The following NXPE1 variants were observed in gnomAD, a reference collection of about 807,000 sequenced individuals.
The protein encoded by NXPE1 is neurexophilin and PC-esterase domain family member 1.
Under a neutral mutation model 33.3 loss-of-function variants are expected in NXPE1, and 31 were observed. The observed-to-expected ratio is 0.93, with a 90% CI of 0.70 to 1.26. NXPE1 has a LOEUF of 1.26. Ranked by LOEUF, NXPE1 falls within the 50% of genes most tolerant of loss-of-function variation. The probability of loss-of-function intolerance (pLI) is 0.00; values close to 1 mark genes in which losing one functional copy is unlikely to be tolerated. For missense variants in NXPE1, 661 were observed against 655.6 expected (o/e 1.01, Z -0.09); for synonymous variants, 229 against 231.4 (o/e 0.99, Z 0.09).
chr11:114,528,669 G>T, intron 6 of NXPE1: 1 of 452,302 alleles, frequency 2.2e-6, no homozygotes, highest in South Asian at 6.3e-5. Flanking sequence ...CACTCTTCCT[G>T]CTTGAAAGCT....
At chr11:114,527,638 C>A (rs1191149372) in intron 7 of NXPE1, among the ~76,000 whole-genome samples, 1 of 152,142 alleles carries the variant, frequency 6.6e-6, no homozygotes, top group African/African-American at 2.4e-5. Context: ...AATACTTTCT[C>A]CTTTTGGATA....
At chr11:114,521,109 A>C (rs989314820), downstream of NXPE1, among the ~76,000 whole-genome samples, 2 of 152,164 alleles carry the variant, frequency 1.3e-5, no homozygotes, top group African/African-American at 4.8e-5. Flanking sequence ...CATTAGCTGT[A>C]ATTCTTCCAA....
At chr11:114,554,102 C>G (rs1948593093) in intron 1 of NXPE1, 3 of 985,454 alleles carry the variant, frequency 3.0e-6, no homozygotes, top group African/African-American at 3.5e-5. Flanking sequence ...ACTCACTTGT[C>G]TCCTCTCCTT....
At position 114,522,378 on chromosome 11, in the gene NXPE1, A is replaced by G. The variant is rs369848558; in HGVS notation, c.1234T>C (p.Ser412Pro). The change falls in exon 9 of 9, where the codon TCT becomes CCT. Residue 412 changes from serine to proline, a missense_variant. By Grantham distance (74) the Ser-to-Pro change is moderately conservative. Coordinates refer to ENST00000534921, the Ensembl canonical transcript of NXPE1. ...GGGATATAATCATGATCTATCAGAG[A>G]GTAGAGCTGGAAAGTGACGAAGGGA... 42 of 1,614,156 alleles carry G rather than the reference A, an allele frequency of 2.6e-5. No individual in the cohort carries two copies. The African/African-American group carries it at 4.8e-4, about 18-fold the overall frequency.
chr11:114,544,626 G>A (rs1948212085), intron 5 of NXPE1, among the ~76,000 whole-genome samples: 1 of 152,028 alleles, frequency 6.6e-6, no homozygotes, highest in East Asian at 1.9e-4. Context: ...ATTTCTGGAA[G>A]AAAACACACA....
chr11:114,528,275 G>C (rs1947442213), intron 6 of NXPE1, among the ~76,000 whole-genome samples: 1 of 152,104 alleles, frequency 6.6e-6, no homozygotes, highest in East Asian at 1.9e-4. Context: ...GGTCATGCAA[G>C]TCTCAGTTTT....
At position 114,530,158 on chromosome 11, in the gene NXPE1, A is replaced by C. The variant is rs998148502; in HGVS notation, c.833+17T>G. Reference sequence around the variant, plus strand: ...TCTCAGGGGACACTTCTCAGTATACATGAAAAGTATACTCACCTGTGGAAA... The same window carrying C: ...TCTCAGGGGACACTTCTCAGTATACCTGAAAAGTATACTCACCTGTGGAAA... On this transcript the variant is annotated intron_variant, in intron 6 of 8. Transcript: ENST00000534921. 1.3e-6 allele frequency: 2 copies of C among 1,574,936 alleles called. No individual in the cohort carries two copies. The highest frequency in any genetic ancestry group is 1.7e-6 in the Non-Finnish European group (2 of 1,162,942).
rs1432310883 is a variant in NXPE1 at position 114,526,866 on chromosome 11, T to C, written c.895+974A>G. Among the ~76,000 whole-genome samples, 6 of 152,260 alleles carry C rather than the reference T, an allele frequency of 3.9e-5. No individual in the cohort carries two copies. The East Asian group carries it at 1.2e-3, about 29-fold the overall frequency. The stretch of plus-strand genomic sequence containing the variant: ...GCAATTAGAAATTACTCATATTCAT[T>C]TGATTCCCTGTATTATTATTTGCTT... On this transcript the variant is annotated intron_variant, in intron 7 of 8. Transcript: ENST00000534921.
intron 4 of NXPE1, 48 bp from the exon 5 acceptor site, chr11:114,551,259 G>C: frequency 7.7e-7 from 1 of 1,301,014 alleles, no homozygotes; most frequent in Non-Finnish European, 1.0e-6. Flanking sequence ...GAATCTCTCT[G>C]TACTCACTCA....
intron 5 of NXPE1, among the ~76,000 whole-genome samples, chr11:114,545,113 T>C (rs2135073728): frequency 6.6e-6 from 1 of 152,282 alleles, no homozygotes; most frequent in Middle Eastern, 3.4e-3. Flanking sequence ...TCATTGCTGG[T>C]GGGAATCCAA....
intron 1 of NXPE1, among the ~76,000 whole-genome samples, chr11:114,558,480 A>C (rs939396034): frequency 6.6e-6 from 1 of 152,164 alleles, no homozygotes; most frequent in Admixed American, 6.5e-5. Flanking sequence ...AATGCCTTCT[A>C]TTAGATTGAG....
rs1356060541 is a variant in NXPE1, at chr11:114,538,665, C to T, written c.100-7757G>A. Among the ~76,000 whole-genome samples, 3 of 152,092 alleles carry T rather than the reference C, an allele frequency of 2.0e-5. No individual in the cohort carries two copies. The East Asian group carries it at 5.8e-4, about 29-fold the overall frequency. On this transcript the variant is annotated intron_variant, in intron 5 of 8. Transcript: ENST00000534921. ...AATAGAAGACATTTATTTATGCAGC[C>T]AAAAAACACGTGAAAAAATGCTCAT...
chr11:114,522,921 T>C (rs1947258818), exon 8 of NXPE1: 1 of 1,613,522 alleles, frequency 6.2e-7, no homozygotes, highest in Middle Eastern at 1.7e-4. Flanking sequence ...TGACGTAGTG[T>C]AGAGTCTCCC....
chr11:114,543,381 T>C (rs116103680), intron 5 of NXPE1, among the ~76,000 whole-genome samples: 146 of 149,472 alleles, frequency 9.8e-4, no homozygotes, highest in African/African-American at 3.1e-3. Flanking sequence ...ATTATATATA[T>C]TATATATTAG....
chr11:114,527,901 C>A lies in NXPE1; in HGVS notation c.834G>T (p.Arg278Ser), dbSNP rs1176878906. ...TCATCATTTCAACTCCCACTTTGGA[C>A]CTTCAAAAAAAAAATAGAACAATAA... The change falls in exon 7 of 9, where the codon AGG becomes AGT. Residue 278 changes from arginine to serine, a missense_variant and splice_region_variant. Arg to Ser is a moderately radical substitution (Grantham distance 110). Coordinates refer to ENST00000534921, the Ensembl canonical transcript of NXPE1. 5.2e-6 allele frequency: 8 copies of A among 1,544,142 alleles called. No individual in the cohort carries two copies. Among genetic ancestry groups the A allele is most frequent in the Non-Finnish European group, 6.9e-6 (8 of 1,157,060 alleles).
intron 5 of NXPE1, among the ~76,000 whole-genome samples, chr11:114,537,065 C>A (rs911239754): frequency 1.3e-5 from 2 of 152,138 alleles, no homozygotes; most frequent in Non-Finnish European, 2.9e-5. Flanking sequence ...AGCAACACAT[C>A]AAAAAGCTTA....
intron 5 of NXPE1, among the ~76,000 whole-genome samples, chr11:114,533,465 C>A (rs886946483): frequency 6.6e-6 from 1 of 152,180 alleles, no homozygotes; most frequent in East Asian, 1.9e-4. Context: ...GCACACCGTG[C>A]ATGAGCTGAA....
intron 5 of NXPE1, among the ~76,000 whole-genome samples, chr11:114,533,430 C>T (rs899146670): frequency 6.6e-6 from 1 of 152,156 alleles, no homozygotes; most frequent in African/African-American, 2.4e-5. Context: ...GAGTGCCGGA[C>T]AGTGGGTGCA....
rs779311572 is a variant in NXPE1, at chr11:114,540,974, C to T, written c.100-10066G>A. ...AGAACAGAGGCAGAGAAGGTCATGC[C>T]GCAATTTCTGAGTATGAACTTTGCT... On this transcript the variant is annotated intron_variant, in intron 5 of 8. Coordinates refer to ENST00000534921, the Ensembl canonical transcript of NXPE1. 2.8e-5 allele frequency among the ~76,000 whole-genome samples: 4 copies of T among 144,990 alleles called. No individual in the cohort carries two copies. The East Asian group carries it at 6.3e-4, about 23-fold the overall frequency.
Sources: gnomAD v4.1 joint callset for allele counts (sites outside exome capture counted in the v4.1 genomes callset) on GRCh38, gnomAD v4.1.1 for gene constraint, MANE v1.5 for transcripts, NCBI Gene and HGNC (gene_info 2026-07-23, HGNC 2026-07-21) for gene names.